TAF8: variants seen among roughly 807,000 people sequenced by gnomAD.
TAF8 encodes transcription initiation factor TFIID subunit 8.
TAF8 carries 47 observed loss-of-function variants against 36.5 expected under a neutral mutation model. The ratio of observed to expected loss-of-function variants is 1.29; its 90% CI spans 1.02 to 1.64. The LOEUF (loss-of-function observed/expected upper bound fraction) is 1.64. TAF8 is among the 40% of genes most tolerant of loss of function. The pLI, the probability that TAF8 is intolerant of heterozygous loss-of-function variation, is 0.00. For missense variants in TAF8, 420 were observed against 407.6 expected, an observed-to-expected ratio of 1.03 and a Z score of -0.26; for synonymous variants, 175 against 159.5, an observed-to-expected ratio of 1.10 and a Z score of -0.73.
At chr6:42,086,874 A>G (rs2127469538), downstream of TAF8, 1 of 974,550 alleles carries the variant, frequency 1.0e-6, no homozygotes, top group African/African-American at 1.6e-5. Context: ...GCTGGTGCAG[A>G]TGCTACCCCA....
intron 7 of TAF8, 83 bp from the exon 8 acceptor site, chr6:42,077,017 A>G: frequency 5.4e-6 from 8 of 1,477,822 alleles, no homozygotes; most frequent in Non-Finnish European, 7.3e-6. Flanking sequence ...CAATTAGAGG[A>G]TGCTAATGGT....
At chr6:42,065,241 G>T (rs10428868) in intron 5 of TAF8, among the ~76,000 whole-genome samples, 1,756 of 151,734 alleles carry the variant, frequency 0.012, 31 homozygotes, top group African/African-American at 0.04. Context: ...AGCTACTCAG[G>T]AGTCTGAGGC....
chr6:42,055,623 GA>G lies in TAF8; in HGVS notation c.296del (p.Glu99GlyfsTer26). On this transcript the variant is annotated frameshift_variant, in exon 3 of 9. Coordinates refer to ENST00000372977, the MANE Select transcript of TAF8 (RefSeq NM_138572.3). LOFTEE classifies it high-confidence loss of function. Reference sequence around the variant, plus strand: ...GTCCGATATCGTGGTCACACTTGTTGAGATGGGTGAGTATACCTTCAGTTTC... The same window carrying G: ...GTCCGATATCGTGGTCACACTTGTTGGATGGGTGAGTATACCTTCAGTTTC... ...TLSDIVVTLV[E>X]MGFNVDTLPA... The G allele has an allele frequency of 6.2e-7, 1 of 1,613,462 alleles. No individual in the cohort carries two copies.
At chr6:42,069,566 C>T (rs1322092370) in intron 7 of TAF8, among the ~76,000 whole-genome samples, 1 of 152,138 alleles carries the variant, frequency 6.6e-6, no homozygotes, top group Admixed American at 6.6e-5. Flanking sequence ...GGAACAACCA[C>T]CGGGTAGAAC....
chr6:42,066,589 T>C, intron 6 of TAF8, 130 bp downstream of exon 6: 1 of 1,079,058 alleles, frequency 9.3e-7, no homozygotes, highest in Non-Finnish European at 1.3e-6. Flanking sequence ...GCCTCTCAGA[T>C]TTCTGGCTCC....
chr6:42,086,343 G>A (rs1016171593), downstream of TAF8, among the ~76,000 whole-genome samples: 1 of 152,206 alleles, frequency 6.6e-6, no homozygotes, highest in Non-Finnish European at 1.5e-5. Context: ...TTGAATTTCT[G>A]TTATTATGAT....
rs1765820484 is a variant in TAF8 at position 42,078,193 on chromosome 6, G to T, written c.*648G>T. ...GCGTGAGCCACCGCACCCCACCAGA[G>T]ACTTTCTTAATCAATCAGGCTATGT... On this transcript the variant is annotated 3_prime_UTR_variant, in exon 9 of 9. Coordinates refer to ENST00000372977, the MANE Select transcript of TAF8 (RefSeq NM_138572.3). 12 of 985,694 alleles carry T rather than the reference G, an allele frequency of 1.2e-5. No individual in the cohort carries two copies. The highest frequency in any genetic ancestry group is 1.4e-5 in the Non-Finnish European group (12 of 830,180). The allele number at this position is 985,694 out of a possible 1,614,324, so 61.1% of individuals were successfully genotyped here. A position where few individuals can be genotyped will look rare whatever the true frequency, so the allele number is the denominator to read the frequency against.
chr6:42,053,357 G>A (rs1315711913), intron 2 of TAF8, among the ~76,000 whole-genome samples: 2 of 152,116 alleles, frequency 1.3e-5, no homozygotes, highest in Non-Finnish European at 2.9e-5. Flanking sequence ...GAGGTCAGGA[G>A]TTTCAAGACC....
chr6:42,074,757 G>T (rs1006658294), intron 7 of TAF8, among the ~76,000 whole-genome samples: 3 of 151,712 alleles, frequency 2.0e-5, no homozygotes, highest in African/African-American at 7.3e-5. Context: ...GGCTGATCTC[G>T]AACTCTTCAC....
rs374915188 is a variant in TAF8, at chr6:42,066,327, G to T, written c.505G>T (p.Val169Leu). The change falls in exon 6 of 9, where the codon GTG becomes TTG. Residue 169 changes from valine to leucine, a missense_variant. Coordinates refer to ENST00000372977, the MANE Select transcript of TAF8 (RefSeq NM_138572.3). ...YIKTPTYREPVSDYQVLREKA... is the reference protein window; with the variant it reads ...YIKTPTYREPLSDYQVLREKA... The stretch of plus-strand genomic sequence containing the variant: ...CTCTTCGTAGACGTACCGTGAGCCC[G>T]TGTCAGACTACCAGGTCCTGCGGGA... 3.7e-6 allele frequency: 6 copies of T among 1,613,892 alleles called. No individual in the cohort carries two copies. Among genetic ancestry groups the T allele is most frequent in the Middle Eastern group, 1.6e-4 (1 of 6,082 alleles).
intron 4 of TAF8, 150 bp from the exon 5 acceptor site, chr6:42,057,239 G>T: frequency 8.8e-7 from 1 of 1,134,508 alleles, no homozygotes. Context: ...AGCCATCAAA[G>T]ACCTTTTATC....
At chr6:42,077,032 C>G in intron 7 of TAF8, 68 bp from the exon 8 acceptor site, 1 of 1,526,202 alleles carries the variant, frequency 6.6e-7, no homozygotes, top group Middle Eastern at 1.8e-4. Flanking sequence ...AATGGTCATT[C>G]CAATTATAGG....
chr6:42,085,707 A>C (rs1766014910), downstream of TAF8, among the ~76,000 whole-genome samples: 1 of 152,178 alleles, frequency 6.6e-6, no homozygotes, highest in East Asian at 1.9e-4. Flanking sequence ...CAGGGAGGCC[A>C]GGCACGGTGG....
intron 5 of TAF8, chr6:42,063,274 C>T (rs910524188): frequency 6.6e-6 from 1 of 152,022 alleles, no homozygotes. Flanking sequence ...GTGATCCTCC[C>T]ACCTCAACCT....
At chr6:42,076,063 C>CCA (rs1253728663) in intron 7 of TAF8, among the ~76,000 whole-genome samples, 1 of 152,020 alleles carries the variant, frequency 6.6e-6, no homozygotes, top group Non-Finnish European at 1.5e-5. Context: ...AAAAACTTAG[C>CCA]GGGATGTGGT....
intron 2 of TAF8, among the ~76,000 whole-genome samples, chr6:42,054,697 C>CTGCTTGA (rs554371602): frequency 0.011 from 1,662 of 152,196 alleles, 27 homozygotes; most frequent in African/African-American, 0.038. Flanking sequence ...CAACCACCTC[C>CTGCTTGA]ACCTCCCAGG....
intron 5 of TAF8, among the ~76,000 whole-genome samples, chr6:42,064,188 AT>A (rs757641984): frequency 5.3e-5 from 8 of 152,234 alleles, no homozygotes; most frequent in Admixed American, 1.3e-4. Context: ...AAGATTTTGC[AT>A]TTTAATGTTT....
At chr6:42,074,734 A>T (rs1424131943) in intron 7 of TAF8, among the ~76,000 whole-genome samples, 1 of 151,550 alleles carries the variant, frequency 6.6e-6, no homozygotes, top group African/African-American at 2.4e-5. Flanking sequence ...GCAGGGTTTC[A>T]CCATGTTGGC....
intron 4 of TAF8, 130 bp downstream of exon 4, chr6:42,056,144 T>C: frequency 3.0e-6 from 2 of 659,072 alleles, no homozygotes; most frequent in South Asian, 3.3e-5. Flanking sequence ...TGTTTGGGGC[T>C]ACCTACAATA....
Sources: gnomAD v4.1 joint callset for allele counts (sites outside exome capture counted in the v4.1 genomes callset) on GRCh38, gnomAD v4.1.1 for gene constraint, MANE v1.5 for transcripts, NCBI Gene and HGNC (gene_info 2026-07-23, HGNC 2026-07-21) for gene names.